The following ADD3 variants were observed in gnomAD, a reference collection of about 807,000 sequenced individuals.
ADD3 encodes gamma-adducin.
A neutral mutation model predicts 80.2 loss-of-function variants in ADD3; 25 were observed. The ratio of observed to expected loss-of-function variants is 0.31; its 90% CI spans 0.23 to 0.44. The LOEUF (loss-of-function observed/expected upper bound fraction) is 0.44. ADD3 is among the 20% of genes least tolerant of loss of function. ADD3 has a pLI of 1.00. For synonymous variants in ADD3, 284 were observed against 289.6 expected, an observed-to-expected ratio of 0.98 and a Z score of 0.20; for missense variants, 829 against 847.5, an observed-to-expected ratio of 0.98 and a Z score of 0.27.
chr10:110,096,177 TACTC>T (rs1030346266), intron 1 of ADD3, among the ~76,000 whole-genome samples: 3 of 152,210 alleles, frequency 2.0e-5, no homozygotes, highest in African/African-American at 4.8e-5. Flanking sequence ...AAAAAAACAA[TACTC>T]AGTTGGCTCT....
chr10:110,026,752 A>G (rs1285353973), intron 1 of ADD3, among the ~76,000 whole-genome samples: 1 of 151,558 alleles, frequency 6.6e-6, no homozygotes, highest in Admixed American at 6.6e-5. Context: ...AAACTATGTA[A>G]TATTTCTTTT....
intron 11 of ADD3, 102 bp from the exon 12 acceptor site, chr10:110,126,311 TCTCA>T: frequency 4.9e-6 from 4 of 818,080 alleles, no homozygotes; most frequent in East Asian, 5.3e-5. Flanking sequence ...TTGAAGAGAC[TCTCA>T]CTCTGGAAAT....
rs530001277 is a variant in ADD3, at chr10:110,132,435, A to C, written c.1828+35A>C. The C allele has an allele frequency of 2.1e-6, 3 of 1,411,938 alleles. No homozygotes were observed. The East Asian group carries it at 6.8e-5, about 32-fold the overall frequency. The allele number at this position is 1,411,938 out of a possible 1,614,324, so 87.5% of individuals were successfully genotyped here. A position where few individuals can be genotyped will look rare whatever the true frequency, so the allele number is the denominator to read the frequency against. On this transcript the variant is annotated intron_variant, in intron 14 of 14. Coordinates refer to ENST00000356080, the MANE Select transcript of ADD3 (RefSeq NM_016824.5). ...GTAATTTCCCACATAGCATTCACTG[A>C]GTTAGTCTTGAGTCTGTCCCTCTGT... is the stretch of plus-strand genomic sequence containing the variant.
At chr10:110,107,716 GA>G (rs910636612) in intron 2 of ADD3, among the ~76,000 whole-genome samples, 1 of 152,106 alleles carries the variant, frequency 6.6e-6, no homozygotes, top group Non-Finnish European at 1.5e-5. Flanking sequence ...GTAAAATGGG[GA>G]AAATACCTCA....
rs999577509 is a variant in ADD3 at position 110,030,930 on chromosome 10, A to G, written c.-30+22631A>G. 8.6e-5 allele frequency among the ~76,000 whole-genome samples: 13 copies of G among 151,508 alleles called. No homozygotes were observed. The South Asian group carries it at 8.7e-4, about 10-fold the overall frequency. ...AACCAAACCACTTGCTCCACCCACT[A>G]TCTTTAATGGTTGGTGACTCCTGAC... On this transcript the variant is annotated intron_variant, in intron 1 of 14. Transcript: ENST00000356080.
At chr10:110,019,859 T>C (rs1376611375) in intron 1 of ADD3, among the ~76,000 whole-genome samples, 2 of 152,230 alleles carry the variant, frequency 1.3e-5, no homozygotes, top group South Asian at 2.1e-4. Context: ...ACCATGAAGG[T>C]CCTTGGCTCT....
At chr10:110,100,418 G>A (rs921417477) in intron 1 of ADD3, among the ~76,000 whole-genome samples, 7 of 150,802 alleles carry the variant, frequency 4.6e-5, no homozygotes, top group Non-Finnish European at 7.4e-5. Context: ...GTTTCTGTTA[G>A]CTCTGAAAAT....
Position 110,055,513 on chromosome 10 carries a change from A to G in ADD3, c.-29-45112A>G, listed in dbSNP as rs539848985. Among the ~76,000 whole-genome samples, 9 of 152,074 alleles carry G rather than the reference A, an allele frequency of 5.9e-5. No individual in the cohort carries two copies. The South Asian group carries it at 1.7e-3, about 28-fold the overall frequency. ...TTATCTCAGATTCAGCTTTTAATGAATATTTACAATATTAATATCTTATTT... is the reference window on the plus strand; with the variant it reads ...TTATCTCAGATTCAGCTTTTAATGAGTATTTACAATATTAATATCTTATTT... On this transcript the variant is annotated intron_variant, in intron 1 of 14. Coordinates refer to ENST00000356080, the MANE Select transcript of ADD3 (RefSeq NM_016824.5).
intron 8 of ADD3, chr10:110,119,798 C>T (rs1166635375): frequency 4.9e-6 from 2 of 405,840 alleles, no homozygotes; most frequent in East Asian, 4.6e-5. Context: ...ACATCATTTT[C>T]CCTACAATCC....
chr10:110,066,573 T>A (rs1843986725), intron 1 of ADD3, among the ~76,000 whole-genome samples: 1 of 152,056 alleles, frequency 6.6e-6, no homozygotes, highest in African/African-American at 2.4e-5. Flanking sequence ...AGGGATAGAT[T>A]TTTTTTTCTT....
chr10:110,112,795 G>A lies in ADD3; in HGVS notation c.214G>A (p.Glu72Lys). 2.5e-6 allele frequency: 4 copies of A among 1,613,714 alleles called. No individual in the cohort carries two copies. The highest frequency in any genetic ancestry group is 3.4e-6 in the Non-Finnish European group (4 of 1,179,884). ...ATTACAGGCCTTTCGGGAAGACTTG[G>A]AATGCCTTATTCAAGAACAGATGAA... is the stretch of plus-strand genomic sequence containing the variant. ...LQSPAFREDL[E>K]CLIQEQMKKG... Residue 72 changes from glutamate to lysine, a missense_variant, in exon 3 of 15, where the codon GAA (glutamate) becomes AAA (lysine). Physicochemically the swap from Glu to Lys is moderately conservative, Grantham distance 56. Coordinates refer to ENST00000356080, the MANE Select transcript of ADD3 (RefSeq NM_016824.5).
chr10:110,049,886 C>CAAAA (rs1296672882), intron 1 of ADD3, among the ~76,000 whole-genome samples: 1 of 61,062 alleles, frequency 1.6e-5, no homozygotes, highest in African/African-American at 5.0e-5. Context: ...GACTCCGTCT[C>CAAAA]AAAAAAAAAA....
At chr10:110,065,539 C>CCTTTTTTTTTTTTTTTT (rs1843806502) in intron 1 of ADD3, among the ~76,000 whole-genome samples, 13 of 31,186 alleles carry the variant, frequency 4.2e-4, no homozygotes, top group East Asian at 2.7e-3. Context: ...TCTCTCTCCC[C>CCTTTTTTTTTTTTTTTT]TTTTTTTTTT....
In ADD3 at chr10:110,034,958, G is replaced by A. The variant is rs546689980; in HGVS notation, c.-30+26659G>A. 5.9e-5 allele frequency among the ~76,000 whole-genome samples: 9 copies of A among 152,312 alleles called. No homozygotes were observed. In the East Asian group the frequency reaches 1.7e-3, roughly 29 times the overall value. On this transcript the variant is annotated intron_variant, in intron 1 of 14. Coordinates refer to ENST00000356080, the MANE Select transcript of ADD3 (RefSeq NM_016824.5). The stretch of plus-strand genomic sequence containing the variant: ...TGTTTCAGGTTTTGGAACATGTAAT[G>A]TATAAATGTAACCTACTAGAAAAAT...
intron 3 of ADD3, among the ~76,000 whole-genome samples, chr10:110,114,666 T>C (rs1298610561): frequency 6.6e-6 from 1 of 152,098 alleles, no homozygotes; most frequent in East Asian, 1.9e-4. Context: ...GGAATGGTAA[T>C]ATCAATATTA....
chr10:110,065,062 T>TA (rs1444362580), intron 1 of ADD3, among the ~76,000 whole-genome samples: 3 of 152,084 alleles, frequency 2.0e-5, no homozygotes, highest in Non-Finnish European at 4.4e-5. Context: ...AAAAAAAAAT[T>TA]ACAAATTTCT....
intron 1 of ADD3, among the ~76,000 whole-genome samples, chr10:110,031,988 C>T (rs772695498): frequency 6.6e-5 from 10 of 151,544 alleles, no homozygotes; most frequent in South Asian, 6.2e-4. Context: ...GCCAGTTGAA[C>T]GGTATAGATC....
In ADD3 at chr10:110,101,023, C is replaced by T. The variant is rs116921604; in HGVS notation, c.195+175C>T. ...ACATCTAATTTGTGTATTTGATTTGCAGAGCCTTAATGACAACCTAGTATT... is the reference window on the plus strand; with the variant it reads ...ACATCTAATTTGTGTATTTGATTTGTAGAGCCTTAATGACAACCTAGTATT... On this transcript the variant is annotated intron_variant, in intron 2 of 14. Coordinates refer to ENST00000356080, the MANE Select transcript of ADD3 (RefSeq NM_016824.5). 2.2e-4 allele frequency among the ~76,000 whole-genome samples: 34 copies of T among 152,282 alleles called. No homozygotes were observed. In the East Asian group the frequency reaches 6.6e-3, roughly 29 times the overall value.
chr10:110,008,789 T>C (rs1851970871), intron 1 of ADD3, among the ~76,000 whole-genome samples: 1 of 152,142 alleles, frequency 6.6e-6, no homozygotes, highest in Admixed American at 6.5e-5. Context: ...AAAAATTTTT[T>C]TTGTTACAAG....
Sources: gnomAD v4.1 joint callset for allele counts (sites outside exome capture counted in the v4.1 genomes callset) on GRCh38, gnomAD v4.1.1 for gene constraint, MANE v1.5 for transcripts, NCBI Gene and HGNC (gene_info 2026-07-23, HGNC 2026-07-21) for gene names.